DPP6: variants seen among roughly 807,000 people sequenced by gnomAD.
DPP6 encodes the protein dipeptidyl peptidase like 6, also known as A-type potassium channel modulatory protein DPP6.
Under a neutral mutation model 122.6 loss-of-function variants are expected in DPP6, and 69 were observed. That is an observed-to-expected ratio of 0.56 (90% CI 0.46 to 0.69). The LOEUF is 0.69. DPP6 is among the 30% of genes least tolerant of loss of function. The pLI is 0.00. For synonymous variants in DPP6, 418 were observed against 433.1 expected (o/e 0.97, Z 0.43); for missense variants, 928 against 1,116.9 (o/e 0.83, Z 2.41).
chr7:154,615,742 A>C (rs1834204567), intron 5 of DPP6, among the ~76,000 whole-genome samples: 1 of 151,928 alleles, frequency 6.6e-6, no homozygotes, highest in Non-Finnish European at 1.5e-5. Flanking sequence ...TTCATCATCC[A>C]CAACAGAAAC....
chr7:153,793,557 C>T, the DPP6 span, among the ~76,000 whole-genome samples: 72 of 151,290 alleles, frequency 4.8e-4, no homozygotes, highest in African/African-American at 1.3e-3. Flanking sequence ...ATTTGCAGCC[C>T]GACAATGTGA....
At chr7:153,931,486 T>C (rs1340891457) in intron 1 of DPP6, among the ~76,000 whole-genome samples, 2 of 152,216 alleles carry the variant, frequency 1.3e-5, no homozygotes, top group Non-Finnish European at 2.9e-5. Flanking sequence ...AATGTAACCT[T>C]TCTTCAGGTG....
At chr7:153,806,727 GAA>G in the DPP6 span, among the ~76,000 whole-genome samples, 1 of 151,856 alleles carries the variant, frequency 6.6e-6, no homozygotes, top group African/African-American at 2.4e-5. Flanking sequence ...CTGTCATTTT[GAA>G]AGTGTTGTAT....
chr7:154,815,587 G>T (rs1282800205), intron 16 of DPP6, among the ~76,000 whole-genome samples: 1 of 152,204 alleles, frequency 6.6e-6, no homozygotes, highest in Non-Finnish European at 1.5e-5. Flanking sequence ...AATGCCACCA[G>T]GAAAGTGAGT....
chr7:154,860,929 T>C (rs1803333956), intron 17 of DPP6, among the ~76,000 whole-genome samples: 1 of 152,182 alleles, frequency 6.6e-6, no homozygotes, highest in Non-Finnish European at 1.5e-5. Flanking sequence ...GCCAGCTCTT[T>C]CCTGCAGATC....
intron 9 of DPP6, among the ~76,000 whole-genome samples, chr7:154,770,359 C>T (rs1796182908): frequency 6.6e-6 from 1 of 152,154 alleles, no homozygotes; most frequent in Admixed American, 6.5e-5. Flanking sequence ...AGGAGAACAG[C>T]ATGGGAAAGA....
intron 1 of DPP6, among the ~76,000 whole-genome samples, chr7:153,963,635 G>C (rs1795476381): frequency 6.6e-6 from 1 of 152,120 alleles, no homozygotes; most frequent in Admixed American, 6.5e-5. Flanking sequence ...CCCACCTCCT[G>C]TCAGATCAGA....
chr7:153,763,377 GAAAAA>G, the DPP6 span, among the ~76,000 whole-genome samples: 1 of 128,708 alleles, frequency 7.8e-6, no homozygotes, highest in Admixed American at 8.1e-5. Context: ...GTACAAGTAA[GAAAAA>G]AAAAAAAAAA....
At chr7:154,529,445 T>C (rs1020538951) in intron 3 of DPP6, among the ~76,000 whole-genome samples, 2 of 151,686 alleles carry the variant, frequency 1.3e-5, no homozygotes, top group Admixed American at 1.3e-4. Context: ...TATCGGGAGA[T>C]AATATCAAAA....
intron 1 of DPP6, among the ~76,000 whole-genome samples, chr7:153,950,036 A>G (rs768439339): frequency 6.6e-6 from 1 of 152,112 alleles, no homozygotes; most frequent in African/African-American, 2.4e-5. Flanking sequence ...AAAGAAAGGA[A>G]ACATATTCCT....
chr7:154,099,020 T>A (rs1805540854), intron 1 of DPP6, among the ~76,000 whole-genome samples: 1 of 152,220 alleles, frequency 6.6e-6, no homozygotes, highest in African/African-American at 2.4e-5. Context: ...TTTGTTCTAA[T>A]ATACTGATGC....
At position 154,546,178 on chromosome 7, in the gene DPP6, AATATT is replaced by A. The variant is rs550210920; in HGVS notation, c.552+5553_552+5557del. Among the ~76,000 whole-genome samples, 597 of 152,292 alleles carry A rather than the reference AATATT, an allele frequency of 3.9e-3. 2 individuals carry two copies. The highest frequency in any genetic ancestry group is 0.013 in the African/African-American group (557 of 41,554). ...ATGAAGGGTATGTAGCGATACAAAA[AATATT>A]TATGATATATTTTAAAAAGATACAA... On this transcript the variant is annotated intron_variant, in intron 4 of 25. Transcript: ENST00000377770.
chr7:154,726,257 A>G (rs1842059919), intron 7 of DPP6, among the ~76,000 whole-genome samples: 1 of 152,122 alleles, frequency 6.6e-6, no homozygotes, highest in Admixed American at 6.5e-5. Flanking sequence ...CTCCAACCCC[A>G]CATTTCCCCT....
At chr7:154,854,335 G>T (rs1802644572) in intron 17 of DPP6, among the ~76,000 whole-genome samples, 1 of 152,218 alleles carries the variant, frequency 6.6e-6, no homozygotes, top group Non-Finnish European at 1.5e-5. Context: ...TTGTGAAAGG[G>T]GAGGGAGATT....
At chr7:154,729,865 A>C (rs1842250655) in intron 8 of DPP6, among the ~76,000 whole-genome samples, 2 of 152,312 alleles carry the variant, frequency 1.3e-5, no homozygotes, top group South Asian at 2.1e-4. Flanking sequence ...GCTACACCTG[A>C]AAAAGCCACT....
intron 1 of DPP6, among the ~76,000 whole-genome samples, chr7:154,202,439 T>G (rs1445090887): frequency 1.3e-5 from 2 of 152,196 alleles, no homozygotes; most frequent in African/African-American, 4.8e-5. Flanking sequence ...CCCTTCCATT[T>G]CATTTTGGTT....
intron 17 of DPP6, 24 bp from the exon 18 acceptor site, chr7:154,867,971 G>T: frequency 6.4e-7 from 1 of 1,570,226 alleles, no homozygotes; most frequent in Non-Finnish European, 8.6e-7. Flanking sequence ...GCATCTCAGT[G>T]TGTCCCTGTT....
intron 1 of DPP6, among the ~76,000 whole-genome samples, chr7:154,157,700 G>A (rs748479255): frequency 2.6e-5 from 4 of 152,082 alleles, no homozygotes; most frequent in Admixed American, 6.5e-5. Flanking sequence ...TTGGGAGGCC[G>A]AGGCAGGCGA....
At chr7:153,890,878 A>G (rs1286147070) in intron 1 of DPP6, among the ~76,000 whole-genome samples, 4 of 129,996 alleles carry the variant, frequency 3.1e-5, no homozygotes, top group African/African-American at 5.9e-5. Context: ...TTGCATTTTT[A>G]GTAGAGACGG....
Sources: allele counts gnomAD v4.1 joint callset (sites outside exome capture counted in the v4.1 genomes callset), GRCh38; gene constraint gnomAD v4.1.1; transcripts MANE v1.5; gene names NCBI Gene and HGNC (gene_info 2026-07-23, HGNC 2026-07-21).